The following CSRNP3 variants were observed in gnomAD, a reference collection of about 807,000 sequenced individuals.
CSRNP3 encodes cysteine/serine-rich nuclear protein 3.
A neutral mutation model predicts 48.0 loss-of-function variants in CSRNP3; 12 were observed. The ratio of observed to expected loss-of-function variants is 0.25; its 90% CI spans 0.16 to 0.41. The LOEUF (loss-of-function observed/expected upper bound fraction) is 0.41. CSRNP3 is among the 10% of genes least tolerant of loss of function. The pLI is 1.00. For synonymous variants in CSRNP3, 263 were observed against 269.7 expected (o/e 0.98, Z 0.24); for missense variants, 580 against 724.4 (o/e 0.80, Z 2.29).
chr2:165,647,743 A>G (rs570616039), intron 4 of CSRNP3, among the ~76,000 whole-genome samples: 110 of 152,334 alleles, frequency 7.2e-4, no homozygotes, highest in African/African-American at 2.6e-3. Flanking sequence ...TACAGTATTC[A>G]GTAAATTACA....
At position 165,686,178 on chromosome 2, in the gene CSRNP3, G is replaced by GA. The variant is rs1196707950; in HGVS notation, c.*6429dup. On this transcript the variant is annotated 3_prime_UTR_variant, in exon 7 of 7. Transcript: ENST00000651982. Reference sequence around the variant, plus strand: ...GAGTATTTGGAAGAAAATTGACCTAGAAAATGTCTCTTTTAAATTTATCTA... The same window carrying GA: ...GAGTATTTGGAAGAAAATTGACCTAGAAAAATGTCTCTTTTAAATTTATCTA... 5.9e-5 allele frequency: 9 copies of GA among 152,094 alleles called. No homozygotes were observed. Among genetic ancestry groups the GA allele is most frequent in the African/African-American group, 2.2e-4 (9 of 41,514 alleles). 9.4% of individuals were successfully genotyped at this position (152,094 alleles called of 1,614,324 possible).
chr2:165,625,425 G>T (rs1034593404), intron 4 of CSRNP3, among the ~76,000 whole-genome samples: 1 of 150,890 alleles, frequency 6.6e-6, no homozygotes, highest in Admixed American at 6.6e-5. Flanking sequence ...TCAGGAGTTC[G>T]AGACCAGCCT....
chr2:165,679,773 A>C lies in CSRNP3; in HGVS notation c.*20A>C. 1.3e-6 allele frequency: 2 copies of C among 1,596,136 alleles called. No homozygotes were observed. The highest frequency in any genetic ancestry group is 1.7e-6 in the Non-Finnish European group (2 of 1,169,560). On this transcript the variant is annotated 3_prime_UTR_variant, in exon 7 of 7. Transcript: ENST00000651982. ...GTTTAGTAGCTTAAATTATTCTAGG[A>C]CCAACTCTTCTCTTATTTAAGGCAC...
In CSRNP3 at chr2:165,484,100, C is replaced by CTATTT. The variant is rs1311040843; in HGVS notation, c.-282-10644_-282-10640dup. Among the ~76,000 whole-genome samples, 12 of 151,998 alleles carry CTATTT rather than the reference C, an allele frequency of 7.9e-5. 1 individual carries two copies. Among genetic ancestry groups the CTATTT allele is most frequent in the Middle Eastern group, 3.4e-3 (1 of 294 alleles). ...AATAATGCAACAATTCCCATTAGAG[C>CTATTT]TATTTTATTTTATTTTATTATTTTT... On this transcript the variant is annotated intron_variant, in intron 1 of 6. Coordinates refer to ENST00000651982, the MANE Select transcript of CSRNP3 (RefSeq NM_001172173.2).
At chr2:165,624,604 C>T (rs1686397340) in intron 4 of CSRNP3, among the ~76,000 whole-genome samples, 1 of 152,254 alleles carries the variant, frequency 6.6e-6, no homozygotes, top group Non-Finnish European at 1.5e-5. Context: ...TGAGAGGTCC[C>T]TCTTCTACAC....
chr2:165,656,315 A>C (rs1687003808), intron 4 of CSRNP3, among the ~76,000 whole-genome samples: 1 of 152,188 alleles, frequency 6.6e-6, no homozygotes, highest in African/African-American at 2.4e-5. Flanking sequence ...CCATGTTTAC[A>C]AAGTGTGGCC....
At chr2:165,500,618 C>T (rs886785070) in intron 2 of CSRNP3, among the ~76,000 whole-genome samples, 8 of 151,714 alleles carry the variant, frequency 5.3e-5, no homozygotes, top group South Asian at 2.1e-4. Flanking sequence ...CCACTACGCC[C>T]GGCTAATTTT....
intron 3 of CSRNP3, among the ~76,000 whole-genome samples, chr2:165,525,806 T>A (rs943283994): frequency 6.6e-6 from 1 of 152,068 alleles, no homozygotes; most frequent in Non-Finnish European, 1.5e-5. Context: ...ATCTAAGAGG[T>A]CTTTGCTTAA....
At chr2:165,514,251 G>A (rs1684545300) in intron 2 of CSRNP3, among the ~76,000 whole-genome samples, 1 of 152,180 alleles carries the variant, frequency 6.6e-6, no homozygotes, top group Non-Finnish European at 1.5e-5. Flanking sequence ...CCAACCATAG[G>A]GCGTGGATCC....
intron 3 of CSRNP3, among the ~76,000 whole-genome samples, chr2:165,591,915 G>T (rs1401368141): frequency 1.3e-5 from 2 of 152,132 alleles, no homozygotes; most frequent in Non-Finnish European, 2.9e-5. Flanking sequence ...CCCCACTGGG[G>T]CACTGCCTAG....
At chr2:165,618,622 T>C (rs1214756663) in intron 4 of CSRNP3, among the ~76,000 whole-genome samples, 2 of 152,190 alleles carry the variant, frequency 1.3e-5, no homozygotes, top group African/African-American at 4.8e-5. Context: ...TTCATAGAAC[T>C]ATGTAGCCAG....
intron 4 of CSRNP3, among the ~76,000 whole-genome samples, chr2:165,621,884 A>G (rs891838444): frequency 2.6e-5 from 4 of 152,158 alleles, no homozygotes; most frequent in African/African-American, 9.7e-5. Context: ...GTGTGCTATT[A>G]AGTGTTTCTA....
intron 3 of CSRNP3, among the ~76,000 whole-genome samples, chr2:165,536,127 C>A (rs1397211768): frequency 2.6e-5 from 4 of 151,890 alleles, no homozygotes; most frequent in African/African-American, 9.7e-5. Context: ...TAATATACTT[C>A]CAAAGCCATT....
intron 5 of CSRNP3, among the ~76,000 whole-genome samples, chr2:165,671,658 G>T (rs1309976567): frequency 1.3e-5 from 2 of 152,182 alleles, no homozygotes; most frequent in African/African-American, 4.8e-5. Context: ...TCTCCAACAT[G>T]CCCTGGAGAC....
intron 2 of CSRNP3, among the ~76,000 whole-genome samples, chr2:165,515,461 A>G (rs1036688427): frequency 1.3e-5 from 2 of 151,722 alleles, no homozygotes; most frequent in Non-Finnish European, 2.9e-5. Context: ...AAATACAATT[A>G]TGTTTTTGAA....
chr2:165,547,583 T>TA (rs1432811851), intron 3 of CSRNP3, among the ~76,000 whole-genome samples: 1 of 152,088 alleles, frequency 6.6e-6, no homozygotes, highest in Non-Finnish European at 1.5e-5. Flanking sequence ...CTTTTTTTTT[T>TA]ATTAAGTACC....
intron 4 of CSRNP3, among the ~76,000 whole-genome samples, chr2:165,599,374 T>TA (rs202051883): frequency 0.024 from 2,810 of 115,286 alleles, 85 homozygotes; most frequent in African/African-American, 0.085. Flanking sequence ...ATCTGAGGTT[T>TA]TTTTGTTTGT....
At chr2:165,527,441 G>A (rs1364671125) in intron 3 of CSRNP3, among the ~76,000 whole-genome samples, 5 of 151,750 alleles carry the variant, frequency 3.3e-5, no homozygotes, top group East Asian at 1.9e-4. Flanking sequence ...TCCTGACCTC[G>A]TGATCCGTCC....
chr2:165,584,216 T>G (rs550670621), intron 3 of CSRNP3, among the ~76,000 whole-genome samples: 1 of 152,284 alleles, frequency 6.6e-6, no homozygotes, highest in East Asian at 1.9e-4. Flanking sequence ...TTAGTAAACA[T>G]TATCAATCTG....
Sources: gnomAD v4.1 joint callset for allele counts (sites outside exome capture counted in the v4.1 genomes callset) on GRCh38, gnomAD v4.1.1 for gene constraint, MANE v1.5 for transcripts, NCBI Gene and HGNC (gene_info 2026-07-23, HGNC 2026-07-21) for gene names.